The following KCNIP1 variants were observed in gnomAD, a reference collection of about 807,000 sequenced individuals.
The protein encoded by KCNIP1 is A-type potassium channel modulatory protein KCNIP1.
Under a neutral mutation model 33.0 loss-of-function variants are expected in KCNIP1, and 18 were observed. That is an observed-to-expected ratio of 0.55 (90% CI 0.38 to 0.81). KCNIP1 has a LOEUF of 0.81. Ranked by LOEUF, KCNIP1 falls within the 30% of genes least tolerant of loss-of-function variation. The probability of loss-of-function intolerance (pLI) is 0.00; values close to 1 mark genes in which losing one functional copy is unlikely to be tolerated. For synonymous variants in KCNIP1, 93 were observed against 98.3 expected (o/e 0.95, Z 0.32); for missense variants, 238 against 271.6 (o/e 0.88, Z 0.87).
intron 1 of KCNIP1, among the ~76,000 whole-genome samples, chr5:170,672,788 A>G (rs1761976170): frequency 6.6e-6 from 1 of 152,252 alleles, no homozygotes; most frequent in Non-Finnish European, 1.5e-5. Context: ...TTTGATTGCA[A>G]ACAGGGTGTA....
At chr5:170,544,515 T>G (rs79452637) in intron 1 of KCNIP1, among the ~76,000 whole-genome samples, 1 of 152,142 alleles carries the variant, frequency 6.6e-6, no homozygotes, top group Admixed American at 6.5e-5. Flanking sequence ...TCTATCTTGT[T>G]ACTTTTAGTC....
chr5:170,406,995 C>T (rs567627247), intron 1 of KCNIP1, among the ~76,000 whole-genome samples: 9 of 152,386 alleles, frequency 5.9e-5, no homozygotes, highest in African/African-American at 2.2e-4. Context: ...GAAGTCCATA[C>T]TGTTCTCTTG....
chr5:170,660,935 A>T (rs1398536188), intron 1 of KCNIP1, among the ~76,000 whole-genome samples: 2 of 152,234 alleles, frequency 1.3e-5, no homozygotes, highest in African/African-American at 4.8e-5. Context: ...TATCTTAGAG[A>T]TGGAGCCAAT....
At chr5:170,709,870 T>G (rs564348988) in intron 1 of KCNIP1, among the ~76,000 whole-genome samples, 1 of 152,198 alleles carries the variant, frequency 6.6e-6, no homozygotes, top group South Asian at 2.1e-4. Flanking sequence ...ATTCCATTCT[T>G]TTTTTTTCTT....
At chr5:170,685,519 C>T (rs951974897) in intron 1 of KCNIP1, among the ~76,000 whole-genome samples, 11 of 151,646 alleles carry the variant, frequency 7.3e-5, no homozygotes, top group African/African-American at 2.4e-4. Context: ...GACCGAGTCT[C>T]ACTCTGTCGC....
intron 1 of KCNIP1, among the ~76,000 whole-genome samples, chr5:170,354,443 C>A (rs1445869287): frequency 6.6e-6 from 1 of 152,198 alleles, no homozygotes; most frequent in Non-Finnish European, 1.5e-5. Context: ...GAAACCGGAT[C>A]AGCTCTGCAC....
chr5:170,495,582 C>G (rs1413864493), intron 1 of KCNIP1, among the ~76,000 whole-genome samples: 1 of 152,206 alleles, frequency 6.6e-6, no homozygotes, highest in East Asian at 1.9e-4. Flanking sequence ...GCCAAACAGG[C>G]CACCAACCCT....
rs910573512 is a variant in KCNIP1, at chr5:170,436,634, T to G, written c.88+82670T>G. ...AGGTGTTGCAGCGCAGGTGTGTGCA[T>G]GCATGCATGCATGTGTACTTGTGTC... On this transcript the variant is annotated intron_variant, in intron 1 of 7. Transcript: ENST00000377360. Among the ~76,000 whole-genome samples, 8 of 152,302 alleles carry G rather than the reference T, an allele frequency of 5.3e-5. 1 individual carries two copies. In the South Asian group the frequency reaches 1.7e-3, roughly 32 times the overall value.
At chr5:170,373,914 T>G (rs1763916840) in intron 1 of KCNIP1, among the ~76,000 whole-genome samples, 1 of 152,224 alleles carries the variant, frequency 6.6e-6, no homozygotes, top group Non-Finnish European at 1.5e-5. Context: ...CTGATCTTTC[T>G]TTGGTCATTT....
intron 1 of KCNIP1, among the ~76,000 whole-genome samples, chr5:170,381,695 CA>C (rs2113335676): frequency 6.6e-6 from 1 of 152,362 alleles, no homozygotes; most frequent in South Asian, 2.1e-4. Context: ...ATCCTGCTGA[CA>C]GTTCATTCAG....
intron 1 of KCNIP1, among the ~76,000 whole-genome samples, chr5:170,672,294 A>G (rs1473062850): frequency 6.6e-6 from 1 of 152,262 alleles, no homozygotes; most frequent in Non-Finnish European, 1.5e-5. Context: ...TGGCAGCTGC[A>G]GAGACAGCAT....
At chr5:170,471,151 G>A (rs1043234755) in intron 1 of KCNIP1, among the ~76,000 whole-genome samples, 22 of 152,152 alleles carry the variant, frequency 1.4e-4, no homozygotes, top group African/African-American at 5.1e-4. Context: ...TTATTTCCAT[G>A]CTTGGGGAGA....
Position 170,725,960 on chromosome 5 carries a change from T to C in KCNIP1, c.435+3140T>C, listed in dbSNP as rs530403765. Among the ~76,000 whole-genome samples, 240 of 152,282 alleles carry C rather than the reference T, an allele frequency of 1.6e-3. 1 individual carries two copies. Among genetic ancestry groups the C allele is most frequent in the Non-Finnish European group, 2.3e-3 (157 of 68,030 alleles). The stretch of plus-strand genomic sequence containing the variant: ...AAAATGGACATTAACCTTAACCTCA[T>C]GCCAAACATAAACATCAACTTGGAA... On this transcript the variant is annotated intron_variant, in intron 5 of 7. Coordinates refer to ENST00000328939, the MANE Select transcript of KCNIP1 (RefSeq NM_014592.4).
intron 7 of KCNIP1, among the ~76,000 whole-genome samples, chr5:170,734,714 G>A (rs1015213774): frequency 1.3e-5 from 2 of 152,198 alleles, no homozygotes; most frequent in African/African-American, 2.4e-5. Flanking sequence ...TAAGAAAGCC[G>A]GGGAGAAGTT....
intron 1 of KCNIP1, among the ~76,000 whole-genome samples, chr5:170,369,890 C>G (rs551491414): frequency 6.6e-6 from 1 of 152,330 alleles, no homozygotes; most frequent in Non-Finnish European, 1.5e-5. Flanking sequence ...GGTCATGATT[C>G]TCCCATGAAG....
intron 1 of KCNIP1, among the ~76,000 whole-genome samples, chr5:170,536,770 C>G (rs951870321): frequency 1.3e-5 from 2 of 152,190 alleles, no homozygotes; most frequent in Non-Finnish European, 2.9e-5. Context: ...TGGCAAACAG[C>G]CTTATGTATT....
chr5:170,423,474 T>C (rs947084092), intron 1 of KCNIP1, among the ~76,000 whole-genome samples: 2 of 152,190 alleles, frequency 1.3e-5, no homozygotes, highest in African/African-American at 4.8e-5. Flanking sequence ...TTTGGAGATA[T>C]AATACATGAA....
At chr5:170,600,809 C>T (rs1758662535) in intron 1 of KCNIP1, among the ~76,000 whole-genome samples, 1 of 152,202 alleles carries the variant, frequency 6.6e-6, no homozygotes, top group South Asian at 2.1e-4. Context: ...CGACCCTGGG[C>T]AAGCTAGCCC....
intron 1 of KCNIP1, among the ~76,000 whole-genome samples, chr5:170,707,226 C>T (rs996731072): frequency 2.6e-5 from 4 of 151,938 alleles, no homozygotes; most frequent in Non-Finnish European, 4.4e-5. Flanking sequence ...TTAAAACATC[C>T]TCTAGAGATC....
Sources: gnomAD v4.1 joint callset for allele counts (sites outside exome capture counted in the v4.1 genomes callset) on GRCh38, gnomAD v4.1.1 for gene constraint, MANE v1.5 for transcripts, NCBI Gene and HGNC (gene_info 2026-07-23, HGNC 2026-07-21) for gene names.